NTN4: variants seen among roughly 807,000 people sequenced by gnomAD.
NTN4 encodes netrin 4.
A neutral mutation model predicts 73.6 loss-of-function variants in NTN4; 32 were observed. The observed-to-expected ratio is 0.44, with a 90% CI of 0.33 to 0.58. The LOEUF is 0.58. NTN4 is among the 20% of genes least tolerant of loss of function. The probability of loss-of-function intolerance (pLI) is 0.04; values close to 1 mark genes in which losing one functional copy is unlikely to be tolerated. For missense variants in NTN4, 654 were observed against 798.3 expected, an observed-to-expected ratio of 0.82 and a Z score of 2.18; for synonymous variants, 258 against 287.5, an observed-to-expected ratio of 0.90 and a Z score of 1.04.
intron 1 of NTN4, among the ~76,000 whole-genome samples, chr12:95,787,998 C>T (rs989059641): frequency 6.6e-6 from 1 of 152,038 alleles, no homozygotes; most frequent in Non-Finnish European, 1.5e-5. Flanking sequence ...ATTCTATTTT[C>T]TTTATATTTT....
At chr12:95,768,045 C>T (rs10777729) in intron 2 of NTN4, among the ~76,000 whole-genome samples, 49,365 of 151,938 alleles carry the variant, frequency 0.32, 8,482 homozygotes, top group East Asian at 0.53. Context: ...TGAAACCATA[C>T]GAAGCAATAC....
rs1224424272 is a variant in NTN4, at chr12:95,789,615, G to A, written c.55+640C>T. 1.3e-5 allele frequency among the ~76,000 whole-genome samples: 2 copies of A among 152,172 alleles called. No homozygotes were observed. The highest frequency in any genetic ancestry group is 2.9e-5 in the Non-Finnish European group (2 of 68,034). On this transcript the variant is annotated intron_variant, in intron 1 of 9. Coordinates refer to ENST00000343702, the MANE Select transcript of NTN4 (RefSeq NM_021229.4). The surrounding 1 kb of genome is among the most constrained non-coding windows in gnomAD (Gnocchi z 4.0). ...AGTTACCGAGCCAGGGAGCAGACCC[G>A]CCTCCGACCTCCCGCAGAGTCTCTG...
chr12:95,759,349 T>C (rs2121240125), intron 2 of NTN4, among the ~76,000 whole-genome samples: 1 of 152,304 alleles, frequency 6.6e-6, no homozygotes, highest in South Asian at 2.1e-4. Flanking sequence ...CTTAACATTG[T>C]CCCACACTTC....
chr12:95,790,822 A>G (rs2079204474), upstream of NTN4: 1 of 149,962 alleles, frequency 6.7e-6, no homozygotes, highest in Non-Finnish European at 1.5e-5. The surrounding 1 kb of genome is among the most constrained non-coding windows in gnomAD (Gnocchi z 6.5). Flanking sequence ...CTCCGGTGCC[A>G]GCCCTCCTCC....
chr12:95,713,478 A>G (rs2078581699), intron 3 of NTN4, 140 bp from the exon 4 acceptor site: 5 of 890,510 alleles, frequency 5.6e-6, no homozygotes, highest in African/African-American at 1.7e-5. Flanking sequence ...AGCCATCAAG[A>G]GGAGAGATGC....
intron 8 of NTN4, among the ~76,000 whole-genome samples, chr12:95,667,851 C>G (rs2078194053): frequency 7.0e-6 from 1 of 142,852 alleles, no homozygotes. Flanking sequence ...CAGAGCAAAA[C>G]TCCATCTCTC....
chr12:95,705,261 G>GTAT lies in NTN4; in HGVS notation c.1180+5177_1180+5179dup, dbSNP rs2078514589. On this transcript the variant is annotated intron_variant, in intron 5 of 9. Coordinates refer to ENST00000343702, the MANE Select transcript of NTN4 (RefSeq NM_021229.4). ...GAGCCTTTGGTCTTCTGGTACTTGG[G>GTAT]TATTATCTATAAATATACATGGCTA... Among the ~76,000 whole-genome samples, 3 of 152,050 alleles carry GTAT rather than the reference G, an allele frequency of 2.0e-5. No individual in the cohort carries two copies. In the South Asian group the frequency reaches 6.2e-4, roughly 32 times the overall value.
rs1420556084 is a variant in NTN4, at chr12:95,691,144, A to C, written c.1181-7433T>G. 3.3e-5 allele frequency among the ~76,000 whole-genome samples: 5 copies of C among 152,368 alleles called. No individual in the cohort carries two copies. In the South Asian group the frequency reaches 1.0e-3, roughly 32 times the overall value. On this transcript the variant is annotated intron_variant, in intron 5 of 9. Transcript: ENST00000343702. ...TCTGCCTTGCATACTTATCTCCTGA[A>C]GCTTGATAGCAGTCAATATCTGACA...
intron 7 of NTN4, chr12:95,672,454 G>A (rs1306464754): frequency 1.3e-5 from 19 of 1,474,964 alleles, no homozygotes; most frequent in Non-Finnish European, 1.8e-5. Context: ...TGTTGGCTAT[G>A]AGTTTGACAT....
At chr12:95,700,080 A>ATTTTTTTTTTTTTTTTTTTTTTTTT (rs56063223) in intron 5 of NTN4, among the ~76,000 whole-genome samples, 3 of 41,822 alleles carry the variant, frequency 7.2e-5, no homozygotes, top group Non-Finnish European at 8.6e-5. Context: ...TAAAGTGAGG[A>ATTTTTTTTTTTTTTTTTTTTTTTTT]TTTTTTTTTT....
At position 95,669,751 on chromosome 12, in the gene NTN4, C is replaced by A. The variant is rs1014396208; in HGVS notation, c.1579+327G>T. Among the ~76,000 whole-genome samples the A allele has an allele frequency of 5.9e-5, 9 of 152,294 alleles. 1 individual carries two copies. Among genetic ancestry groups the A allele is most frequent in the Admixed American group, 4.6e-4 (7 of 15,288 alleles). ...GTCACTGAAGTGGCTAGAAATGTCC[C>A]TTTTGGATGAATAAGGCAAGAAGTA... On this transcript the variant is annotated intron_variant, in intron 8 of 9. Coordinates refer to ENST00000343702, the MANE Select transcript of NTN4 (RefSeq NM_021229.4).
At chr12:95,744,510 G>A (rs563893565) in intron 2 of NTN4, among the ~76,000 whole-genome samples, 84 of 152,040 alleles carry the variant, frequency 5.5e-4, no homozygotes, top group Admixed American at 1.2e-3. Context: ...TGTGATTGAT[G>A]ATATTTACCA....
chr12:95,752,945 C>T (rs556808395), intron 2 of NTN4, among the ~76,000 whole-genome samples: 14 of 151,956 alleles, frequency 9.2e-5, no homozygotes, highest in South Asian at 2.1e-4. Context: ...TTCTGCTCCC[C>T]GGCTCCTTCA....
At chr12:95,699,347 T>A (rs903431468) in intron 5 of NTN4, among the ~76,000 whole-genome samples, 8 of 152,198 alleles carry the variant, frequency 5.3e-5, no homozygotes, top group African/African-American at 1.9e-4. Context: ...TTTTCTTACA[T>A]GTGTAATTGT....
Position 95,681,891 on chromosome 12 carries a change from T to C in NTN4, c.1510+816A>G, listed in dbSNP as rs116174776. ...TTTTTTGGCTTCATTATTTGGCTTA[T>C]ATTTAGTTTGTAGAATTACTTTTGC... On this transcript the variant is annotated intron_variant, in intron 7 of 9. Coordinates refer to ENST00000343702, the MANE Select transcript of NTN4 (RefSeq NM_021229.4). Among the ~76,000 whole-genome samples, 1,063 of 152,286 alleles carry C rather than the reference T, an allele frequency of 7.0e-3. 8 individuals carry two copies. Among genetic ancestry groups the C allele is most frequent in the African/African-American group, 0.025 (1,024 of 41,550 alleles).
At chr12:95,700,831 T>TTTTA (rs2078480020) in intron 5 of NTN4, among the ~76,000 whole-genome samples, 1 of 88,444 alleles carries the variant, frequency 1.1e-5, no homozygotes, top group African/African-American at 4.1e-5. Flanking sequence ...TTTTTTTTTT[T>TTTTA]GAGACAGAGT....
intron 2 of NTN4, among the ~76,000 whole-genome samples, chr12:95,761,400 G>A (rs1295491847): frequency 2.7e-5 from 4 of 146,752 alleles, no homozygotes; most frequent in Middle Eastern, 3.5e-3. Context: ...GTGCGATCTC[G>A]GCTCATTGCA....
intron 3 of NTN4, among the ~76,000 whole-genome samples, chr12:95,721,885 G>T (rs905728510): frequency 3.3e-5 from 5 of 152,150 alleles, no homozygotes; most frequent in African/African-American, 4.8e-5. Context: ...ATCAGGAGTT[G>T]AAGAGTATTC....
At chr12:95,775,565 C>A (rs2079086143) in intron 2 of NTN4, among the ~76,000 whole-genome samples, 2 of 152,240 alleles carry the variant, frequency 1.3e-5, no homozygotes, top group African/African-American at 4.8e-5. Flanking sequence ...GTCCCACGCC[C>A]ACAGAGCCTC....
Sources: allele counts gnomAD v4.1 joint callset (sites outside exome capture counted in the v4.1 genomes callset), GRCh38; gene constraint gnomAD v4.1.1; non-coding constraint Gnocchi (gnomAD v3.1); transcripts MANE v1.5; gene names NCBI Gene and HGNC (gene_info 2026-07-23, HGNC 2026-07-21).